Variants in L3MBTL1 observed in about 807,000 individuals in gnomAD.
L3MBTL1 encodes the protein L3MBTL histone methyl-lysine binding protein 1.
Under a neutral mutation model 105.3 loss-of-function variants are expected in L3MBTL1, and 75 were observed. The ratio of observed to expected loss-of-function variants is 0.71; its 90% confidence interval spans 0.59 to 0.86. The LOEUF is 0.86. Ranked by LOEUF, L3MBTL1 falls within the 40% of genes least tolerant of loss-of-function variation. The pLI, the probability that L3MBTL1 is intolerant of heterozygous loss-of-function variation, is 0.00. For synonymous variants in L3MBTL1, 452 were observed against 436.2 expected (o/e 1.04, Z -0.45); for missense variants, 1,069 against 1,126.4 (o/e 0.95, Z 0.73).
At chr20:43,543,100 CACT>C (rs755002342), downstream of L3MBTL1, among the ~76,000 whole-genome samples, 3 of 132,906 alleles carry the variant, frequency 2.3e-5, no homozygotes, top group Admixed American at 1.5e-4. Context: ...GTACTTGCAC[CACT>C]GAGTTTTTTT....
chr20:43,510,743 G>T (rs2018114288), intron 1 of L3MBTL1, among the ~76,000 whole-genome samples: 1 of 150,182 alleles, frequency 6.7e-6, no homozygotes, highest in African/African-American at 2.5e-5. Flanking sequence ...TTAGAGACAG[G>T]GTCTCGCTCT....
In L3MBTL1 at chr20:43,535,749, G is replaced by C. The variant is rs573901836; in HGVS notation, c.1826-88G>C. The C allele has an allele frequency of 5.0e-6, 4 of 806,246 alleles. No individual in the cohort carries two copies. In the East Asian group the frequency reaches 9.9e-5, roughly 20 times the overall value. 49.9% of individuals were successfully genotyped at this position (806,246 alleles called of 1,614,324 possible). ...CCTTGGGGAGTGGGTTTCTAGTGCT[G>C]ATCTCCCCAGTGGAAACTGCTCCTT... On this transcript the variant is annotated intron_variant, in intron 16 of 21. Coordinates refer to ENST00000418998, the MANE Select transcript of L3MBTL1 (RefSeq NM_001377303.1).
intron 18 of L3MBTL1, among the ~76,000 whole-genome samples, chr20:43,547,168 G>A (rs1348663877): frequency 4.1e-5 from 6 of 146,836 alleles, no homozygotes; most frequent in Non-Finnish European, 7.4e-5. Flanking sequence ...GCAGTGGCGC[G>A]ATCTCGGCTC....
chr20:43,522,699 T>C (rs1055513524), intron 7 of L3MBTL1, among the ~76,000 whole-genome samples: 1 of 151,052 alleles, frequency 6.6e-6, no homozygotes, highest in Non-Finnish European at 1.5e-5. Flanking sequence ...CTCAAACTCA[T>C]GATCTCAAGC....
chr20:43,534,751 A>T (rs1257167662), intron 15 of L3MBTL1, 77 bp from the exon 16 acceptor site: 5 of 1,009,636 alleles, frequency 5.0e-6, no homozygotes, highest in Non-Finnish European at 7.5e-6. Context: ...GACAGGTCCC[A>T]GGGATGGGGA....
chr20:43,513,907 A>T lies in L3MBTL1; in HGVS notation c.206A>T (p.His69Leu), dbSNP rs1199722749. The change falls in exon 3 of 22, where the codon CAT becomes CTT. Residue 69 changes from histidine (H) to leucine (L), a missense_variant. Coordinates refer to ENST00000418998, the MANE Select transcript of L3MBTL1 (RefSeq NM_001377303.1). ...DVSCFPREPIHVGAPEQVAGC... is the reference protein window; with the variant it reads ...DVSCFPREPILVGAPEQVAGC... ...TCTTGCTTTCCCCGGGAGCCAATCC[A>T]TGTGGGTGCCCCGGAGCAAGTGGCC... The T allele has an allele frequency of 3.2e-6, 5 of 1,550,554 alleles. No individual in the cohort carries two copies. The highest frequency in any genetic ancestry group is 2.0e-5 in the Admixed American group (1 of 51,010).
rs746899223 is a variant in L3MBTL1, at chr20:43,534,306, T to A, written c.1622T>A (p.Val541Asp). The stretch of plus-strand genomic sequence containing the variant: ...CAGCGACCCCCTCACAGCTTCCTGG[T>A]CAATATGAAGCTGGAGGCTGTGGAC... Reference protein sequence around the residue: ...FKVRPPHSFLVNMKLEAVDRR... With the variant: ...FKVRPPHSFLDNMKLEAVDRR... Residue 541 changes from valine (V) to aspartate (D), a missense_variant, in exon 15 of 22, where the codon GTC becomes GAC. Coordinates refer to ENST00000418998, the MANE Select transcript of L3MBTL1 (RefSeq NM_001377303.1). The A allele has an allele frequency of 1.4e-5, 22 of 1,613,914 alleles. No homozygotes were observed. The highest frequency in any genetic ancestry group is 1.7e-5 in the Non-Finnish European group (20 of 1,180,014).
chr20:43,518,326 G>A (rs2145396852), intron 7 of L3MBTL1, among the ~76,000 whole-genome samples: 1 of 152,190 alleles, frequency 6.6e-6, no homozygotes, highest in South Asian at 2.1e-4. Context: ...CTATGTTTGA[G>A]CTATACTCTG....
intron 11 of L3MBTL1, chr20:43,531,118 T>G: frequency 1.9e-6 from 1 of 538,942 alleles, no homozygotes. Context: ...CTACTGCAGA[T>G]ACCCTGTCCT....
chr20:43,514,438 C>A (rs1455427429), intron 3 of L3MBTL1, 197 bp from the exon 4 acceptor site: 6 of 1,479,470 alleles, frequency 4.1e-6, no homozygotes, highest in Admixed American at 2.3e-5. Context: ...GGGACTGGAC[C>A]CCGCAGGTGC....
At chr20:43,521,394 A>C (rs879819101) in intron 7 of L3MBTL1, among the ~76,000 whole-genome samples, 8 of 152,202 alleles carry the variant, frequency 5.3e-5, no homozygotes, top group African/African-American at 7.2e-5. Context: ...AGCTTCCCGA[A>C]GGAATAAGAA....
intron 10 of L3MBTL1, 131 bp from the exon 11 acceptor site, chr20:43,530,667 T>C (rs1057204921): frequency 4.2e-5 from 37 of 888,614 alleles, no homozygotes. Flanking sequence ...TAGTGGGGAA[T>C]CCCTGGGCAA....
intron 7 of L3MBTL1, among the ~76,000 whole-genome samples, chr20:43,517,866 T>A (rs540631867): frequency 3.3e-4 from 50 of 152,362 alleles, no homozygotes; most frequent in Non-Finnish European, 6.3e-4. Flanking sequence ...TCTTCCAACT[T>A]CTGCCCATTG....
At chr20:43,548,204 G>C (rs1466405364) in exon 19 of L3MBTL1, 3 of 1,304,336 alleles carry the variant, frequency 2.3e-6, no homozygotes, top group Non-Finnish European at 3.0e-6. Context: ...GATCTATAAC[G>C]CCATTCTCAT....
At chr20:43,516,286 A>C in intron 7 of L3MBTL1, 109 bp downstream of exon 7, 2 of 774,684 alleles carry the variant, frequency 2.6e-6, no homozygotes, top group Non-Finnish European at 4.5e-6. Flanking sequence ...TACATGCATA[A>C]ATGAGCATGA....
exon 19 of L3MBTL1, chr20:43,550,265 G>A (rs988729441): frequency 1.3e-5 from 2 of 152,208 alleles, no homozygotes; most frequent in African/African-American, 4.8e-5. Context: ...ACTCACGGCT[G>A]GTGCTGTGGG....
exon 19 of L3MBTL1, chr20:43,548,156 G>T (rs1978754952): frequency 7.7e-7 from 1 of 1,304,298 alleles, no homozygotes; most frequent in East Asian, 5.6e-5. Flanking sequence ...GGCGGACATT[G>T]TGAAGATCAT....
At position 43,534,086 on chromosome 20, in the gene L3MBTL1, T is replaced by C; in HGVS notation, c.1592T>C (p.Phe531Ser). The part of the protein sequence containing the change: ...TGASAVPTWA[F>S]KVRPPHSFLV... ...GCCTCTGCTGTCCCCACCTGGGCCTTCAAGGTGGTGAGTCAGTGCTCCCTG... is the reference window on the plus strand; with the variant it reads ...GCCTCTGCTGTCCCCACCTGGGCCTCCAAGGTGGTGAGTCAGTGCTCCCTG... Residue 531 changes from phenylalanine to serine, a missense_variant, in exon 14 of 22, where the codon TTC becomes TCC. Phe to Ser is a radical substitution (Grantham distance 155). Transcript: ENST00000418998. 6.2e-7 allele frequency: 1 copy of C among 1,612,968 alleles called. No homozygotes were observed. The highest frequency in any genetic ancestry group is 8.5e-7 in the Non-Finnish European group (1 of 1,178,978).
intron 4 of L3MBTL1, 73 bp downstream of exon 4, chr20:43,514,849 C>CG (rs2018286372): frequency 1.4e-6 from 2 of 1,465,098 alleles, no homozygotes; most frequent in Admixed American, 2.3e-5. Context: ...CCAGAAGGTT[C>CG]GGGGGCGGGG....
Sources: gnomAD v4.1 joint callset for allele counts (sites outside exome capture counted in the v4.1 genomes callset) on GRCh38, gnomAD v4.1.1 for gene constraint, MANE v1.5 for transcripts, NCBI Gene and HGNC (gene_info 2026-07-23, HGNC 2026-07-21) for gene names.